NRXN1: variants seen among roughly 807,000 people sequenced by gnomAD.
NRXN1 encodes the protein neurexin 1.
Under a neutral mutation model 150.9 loss-of-function variants are expected in NRXN1, and 39 were observed. The ratio of observed to expected loss-of-function variants is 0.26; its 90% CI spans 0.20 to 0.34. NRXN1 has a LOEUF of 0.34. Ranked by LOEUF, NRXN1 falls within the 10% of genes least tolerant of loss-of-function variation. NRXN1 has a pLI of 1.00. For missense variants in NRXN1, 1,815 were observed against 1,949.9 expected, an observed-to-expected ratio of 0.93 and a Z score of 1.30; for synonymous variants, 924 against 757.0, an observed-to-expected ratio of 1.22 and a Z score of -3.62.
chr2:51,016,862 C>T (rs1227005506), intron 2 of NRXN1, among the ~76,000 whole-genome samples: 11 of 152,118 alleles, frequency 7.2e-5, no homozygotes, highest in Non-Finnish European at 1.5e-5. Flanking sequence ...CCCAAATGCC[C>T]ATCAATGATA....
chr2:51,014,025 A>G, intron 2 of NRXN1, among the ~76,000 whole-genome samples: 1 of 152,084 alleles, frequency 6.6e-6, no homozygotes, highest in East Asian at 1.9e-4. Flanking sequence ...CCACTAGATA[A>G]CAAAAACCTA....
At chr2:50,832,218 AAAT>A (rs1384439881) in intron 5 of NRXN1, among the ~76,000 whole-genome samples, 6 of 152,174 alleles carry the variant, frequency 3.9e-5, no homozygotes, top group African/African-American at 1.4e-4. Context: ...AGTCAGACAA[AAAT>A]AATCTATAGA....
intron 12 of NRXN1, among the ~76,000 whole-genome samples, chr2:50,520,924 G>A (rs1453696558): frequency 1.3e-5 from 2 of 151,862 alleles, no homozygotes; most frequent in Admixed American, 1.3e-4. Context: ...TGAAAAATCT[G>A]TAAAAACAAC....
chr2:50,445,823 A>C (rs139302156), intron 17 of NRXN1, among the ~76,000 whole-genome samples: 267 of 152,252 alleles, frequency 1.8e-3, no homozygotes, highest in African/African-American at 6.2e-3. Context: ...TAGGGATTGG[A>C]AAGAGGAGAT....
chr2:50,845,419 C>T, intron 5 of NRXN1, among the ~76,000 whole-genome samples: 1 of 152,186 alleles, frequency 6.6e-6, no homozygotes. Context: ...GAAGAAAATG[C>T]TTCAGATAGG....
chr2:50,358,367 C>T (rs762019466), intron 17 of NRXN1, among the ~76,000 whole-genome samples: 5 of 152,218 alleles, frequency 3.3e-5, no homozygotes, highest in African/African-American at 7.2e-5. Flanking sequence ...AGCCTGAAGT[C>T]GACCTGGGAT....
chr2:50,363,998 C>G lies in NRXN1; in HGVS notation c.3364+101444G>C, dbSNP rs952453983. Among the ~76,000 whole-genome samples, 5 of 152,108 alleles carry G rather than the reference C, an allele frequency of 3.3e-5. No homozygotes were observed. In the East Asian group the frequency reaches 9.7e-4, roughly 29 times the overall value. ...AGCAAACTAACACAGGAACAGAAAACTAAACACTGCATGTTCTCACTCATA... is the reference window on the plus strand; with the variant it reads ...AGCAAACTAACACAGGAACAGAAAAGTAAACACTGCATGTTCTCACTCATA... On this transcript the variant is annotated intron_variant, in intron 17 of 22. Coordinates refer to ENST00000401669, the MANE Select transcript of NRXN1 (RefSeq NM_001330078.2).
chr2:50,091,778 A>C (rs1040344143), intron 18 of NRXN1, among the ~76,000 whole-genome samples: 7 of 152,236 alleles, frequency 4.6e-5, no homozygotes, highest in Non-Finnish European at 8.8e-5. Flanking sequence ...AGCTGCCTGC[A>C]CAAAGGACAT....
chr2:50,728,787 A>G (rs1345547822), intron 5 of NRXN1, among the ~76,000 whole-genome samples: 2 of 152,158 alleles, frequency 1.3e-5, no homozygotes, highest in Admixed American at 6.5e-5. Flanking sequence ...ACTTCTATCT[A>G]TTAACTAAAT....
intron 19 of NRXN1, among the ~76,000 whole-genome samples, chr2:50,065,596 A>C (rs73932903): frequency 0.036 from 5,482 of 152,302 alleles, 337 homozygotes; most frequent in African/African-American, 0.12. Flanking sequence ...TTATAGATTA[A>C]GACAGTGAAG....
intron 21 of NRXN1, among the ~76,000 whole-genome samples, chr2:50,033,979 A>C (rs149287259): frequency 0.021 from 3,183 of 151,920 alleles, 63 homozygotes; most frequent in Middle Eastern, 0.037. Flanking sequence ...GAAAAAAAAA[A>C]AAAAAACAAA....
intron 5 of NRXN1, among the ~76,000 whole-genome samples, chr2:50,771,751 C>G (rs1703038946): frequency 6.6e-6 from 1 of 152,070 alleles, no homozygotes; most frequent in Non-Finnish European, 1.5e-5. Context: ...TGAAGTGCTA[C>G]TGGTGAAATA....
At chr2:50,586,617 C>T (rs749809534) in intron 8 of NRXN1, among the ~76,000 whole-genome samples, 5 of 151,964 alleles carry the variant, frequency 3.3e-5, no homozygotes, top group Non-Finnish European at 5.9e-5. Context: ...AAAGAAACAT[C>T]TAAGAAAAAT....
chr2:50,324,779 C>G (rs188895443), intron 17 of NRXN1, among the ~76,000 whole-genome samples: 18 of 152,356 alleles, frequency 1.2e-4, no homozygotes, highest in African/African-American at 4.3e-4. Context: ...CTTAGTCACA[C>G]TCACCTCCCA....
intron 2 of NRXN1, among the ~76,000 whole-genome samples, chr2:50,952,393 A>G (rs936212729): frequency 6.6e-6 from 1 of 152,226 alleles, no homozygotes; most frequent in Non-Finnish European, 1.5e-5. Flanking sequence ...TAATTTAAAG[A>G]AAAGAGAATT....
At chr2:51,017,958 G>C (rs191363102) in intron 2 of NRXN1, among the ~76,000 whole-genome samples, 5 of 152,180 alleles carry the variant, frequency 3.3e-5, no homozygotes, top group Admixed American at 3.3e-4. Flanking sequence ...CTTAATTATA[G>C]AGGAACACCA....
intron 17 of NRXN1, among the ~76,000 whole-genome samples, chr2:50,350,299 C>G (rs1318107273): frequency 1.3e-5 from 2 of 152,178 alleles, no homozygotes; most frequent in South Asian, 2.1e-4. Context: ...CACATCACAT[C>G]TTTCTTGCAT....
chr2:50,418,801 T>A (rs1041909695), intron 17 of NRXN1, among the ~76,000 whole-genome samples: 12 of 151,998 alleles, frequency 7.9e-5, no homozygotes, highest in Admixed American at 3.9e-4. Flanking sequence ...CCTTAGATGC[T>A]ATAGTAATAA....
intron 5 of NRXN1, among the ~76,000 whole-genome samples, chr2:50,769,894 A>G (rs1702801552): frequency 6.6e-6 from 1 of 152,070 alleles, no homozygotes; most frequent in African/African-American, 2.4e-5. Context: ...AGAAATCAAA[A>G]ATCCAAATTC....
Sources: gnomAD v4.1 joint callset for allele counts (sites outside exome capture counted in the v4.1 genomes callset) on GRCh38, gnomAD v4.1.1 for gene constraint, MANE v1.5 for transcripts, NCBI Gene and HGNC (gene_info 2026-07-23, HGNC 2026-07-21) for gene names.